Variants in RAPGEF4 observed in about 807,000 individuals in gnomAD.
The protein encoded by RAPGEF4 is RAP guanine-nucleotide-exchange factor (GEF) 4.
Under a neutral mutation model 147.9 loss-of-function variants are expected in RAPGEF4, and 66 were observed. The ratio of observed to expected loss-of-function variants is 0.45; its 90% CI spans 0.37 to 0.55. RAPGEF4 has a LOEUF of 0.55. Ranked by LOEUF, RAPGEF4 falls within the 20% of genes least tolerant of loss-of-function variation. The pLI, the probability that RAPGEF4 is intolerant of heterozygous loss-of-function variation, is 0.00. For missense variants in RAPGEF4, 1,071 were observed against 1,257.3 expected, an observed-to-expected ratio of 0.85 and a Z score of 2.24; for synonymous variants, 419 against 442.7, an observed-to-expected ratio of 0.95 and a Z score of 0.67.
At chr2:172,763,642 C>T (rs1281363926) in intron 1 of RAPGEF4, among the ~76,000 whole-genome samples, 1 of 152,140 alleles carries the variant, frequency 6.6e-6, no homozygotes. Context: ...TAGCCAGGAA[C>T]ATGTACATGA....
chr2:172,740,937 C>CTAAT (rs1694242789), intron 1 of RAPGEF4, among the ~76,000 whole-genome samples: 1 of 152,222 alleles, frequency 6.6e-6, no homozygotes, highest in South Asian at 2.1e-4. Context: ...CGTCCTTTGG[C>CTAAT]TAATGTATTC....
rs200042050 is a variant in RAPGEF4, at chr2:172,814,284, T to C, written c.303T>C (p.Ala101=). 2.5e-6 allele frequency: 4 copies of C among 1,614,210 alleles called. No individual in the cohort carries two copies. The highest frequency in any genetic ancestry group is 1.7e-5 in the Admixed American group (1 of 60,032). Residue 101 remains alanine, a synonymous_variant, in exon 4 of 31, where the codon GCT becomes GCC. Transcript: ENST00000397081. ...KVSETSSHQD[A]VTICTLGIGT... ...TAGTTTTTTGGGATCCTCAGGATGCTGTGACCATCTGTACCCTGGGAATTG... is the reference window on the plus strand; with the variant it reads ...TAGTTTTTTGGGATCCTCAGGATGCCGTGACCATCTGTACCCTGGGAATTG...
At chr2:172,879,330 T>A (rs1036725413) in intron 4 of RAPGEF4, among the ~76,000 whole-genome samples, 3 of 152,188 alleles carry the variant, frequency 2.0e-5, no homozygotes, top group African/African-American at 7.2e-5. Context: ...TGATTATGAT[T>A]CCATTCATTT....
chr2:173,000,150 G>T (rs1693758524), intron 16 of RAPGEF4, among the ~76,000 whole-genome samples: 1 of 152,104 alleles, frequency 6.6e-6, no homozygotes, highest in Non-Finnish European at 1.5e-5. Flanking sequence ...CACCTTCTCT[G>T]CTTCTTCTCT....
intron 4 of RAPGEF4, among the ~76,000 whole-genome samples, chr2:172,875,128 T>C (rs1695744944): frequency 6.6e-6 from 1 of 152,360 alleles, no homozygotes; most frequent in East Asian, 1.9e-4. Flanking sequence ...TTTGAGTTCT[T>C]TGTAGATTCT....
Position 173,036,132 on chromosome 2 carries a change from C to G in RAPGEF4, c.2708C>G (p.Ser903Ter). 6.2e-7 allele frequency: 1 copy of G among 1,609,846 alleles called. No individual in the cohort carries two copies. Among genetic ancestry groups the G allele is most frequent in the South Asian group, 1.1e-5 (1 of 90,992 alleles). ...CTCTTTTTCTCTCCTAAGGACCCTT[C>G]AAGGAACCACAGGGCCTACAGGCTG... ...YAEFESLMDP[S>*]RNHRAYRLTV... The change falls in exon 28 of 31, where the codon TCA (serine) becomes TGA (stop). Residue 903 changes from serine (S) to a stop codon, truncating the protein, a stop_gained. Coordinates refer to ENST00000397081, the MANE Select transcript of RAPGEF4 (RefSeq NM_007023.4). LOFTEE classifies it high-confidence loss of function.
intron 5 of RAPGEF4, among the ~76,000 whole-genome samples, chr2:172,920,922 C>T (rs1301599444): frequency 1.3e-5 from 2 of 152,038 alleles, no homozygotes; most frequent in African/African-American, 4.8e-5. Flanking sequence ...CCTGTTAATA[C>T]TCTCTGTTTC....
chr2:173,048,579 T>A, intron 29 of RAPGEF4, 21 bp from the exon 30 acceptor site: 1 of 1,613,998 alleles, frequency 6.2e-7, no homozygotes, highest in Non-Finnish European at 8.5e-7. Context: ...TCTATCTTTC[T>A]TTTTTCTATA....
At chr2:172,903,538 CAA>C (rs754217596) in intron 4 of RAPGEF4, among the ~76,000 whole-genome samples, 9 of 120,320 alleles carry the variant, frequency 7.5e-5, no homozygotes, top group Non-Finnish European at 7.1e-5. Flanking sequence ...AACTCCATCT[CAA>C]AAAAAAAAAA....
At chr2:172,978,567 C>T (rs1039853924) in intron 10 of RAPGEF4, among the ~76,000 whole-genome samples, 7 of 152,162 alleles carry the variant, frequency 4.6e-5, no homozygotes, top group Non-Finnish European at 1.0e-4. Flanking sequence ...GTGTGACAGG[C>T]GTGGAAAGGT....
chr2:172,817,918 A>C (rs945089130), intron 4 of RAPGEF4, among the ~76,000 whole-genome samples: 19 of 147,086 alleles, frequency 1.3e-4, no homozygotes, highest in African/African-American at 4.7e-4. Context: ...TATATATATA[A>C]TATACATATT....
intron 6 of RAPGEF4, chr2:172,928,478 T>C (rs1184980551): frequency 4.1e-6 from 1 of 243,134 alleles, no homozygotes; most frequent in African/African-American, 2.2e-5. Context: ...TGCTTTTGAA[T>C]GTCCTGGACA....
At chr2:172,965,269 G>T in intron 8 of RAPGEF4, 1 of 378,068 alleles carries the variant, frequency 2.6e-6, no homozygotes, top group Non-Finnish European at 4.8e-6. Context: ...TGATTAGCTT[G>T]CCAGACAATC....
intron 1 of RAPGEF4, among the ~76,000 whole-genome samples, chr2:172,772,887 T>C (rs1441008859): frequency 1.3e-5 from 2 of 152,242 alleles, no homozygotes; most frequent in South Asian, 2.1e-4. Context: ...CCAGGGTTGC[T>C]AACAGTGAAT....
chr2:172,754,044 G>GAACA (rs1461233632), intron 1 of RAPGEF4, among the ~76,000 whole-genome samples: 2 of 152,210 alleles, frequency 1.3e-5, no homozygotes, highest in East Asian at 3.8e-4. Context: ...AAACTATGTT[G>GAACA]TAATTGGACC....
intron 30 of RAPGEF4, 49 bp downstream of exon 30, chr2:173,048,703 G>C: frequency 6.2e-7 from 1 of 1,613,152 alleles, no homozygotes. Flanking sequence ...GGTGATTAAG[G>C]TCTTCTTAAT....
chr2:172,938,745 C>CA (rs1686851006), intron 6 of RAPGEF4, among the ~76,000 whole-genome samples: 1 of 152,172 alleles, frequency 6.6e-6, no homozygotes, highest in South Asian at 2.1e-4. Context: ...TGAGTTTTGA[C>CA]AGATGTCTAG....
chr2:172,846,676 A>G (rs1353648288), intron 4 of RAPGEF4, among the ~76,000 whole-genome samples: 1 of 152,186 alleles, frequency 6.6e-6, no homozygotes, highest in Non-Finnish European at 1.5e-5. Flanking sequence ...TCTGTGCTAG[A>G]CACTGGGAAT....
chr2:172,886,025 C>T (rs556562785), intron 4 of RAPGEF4, among the ~76,000 whole-genome samples: 4 of 152,250 alleles, frequency 2.6e-5, no homozygotes, highest in East Asian at 1.9e-4. Flanking sequence ...GCTGCCTTCA[C>T]GCCTGGCTCT....
Sources: allele counts gnomAD v4.1 joint callset (sites outside exome capture counted in the v4.1 genomes callset), GRCh38; gene constraint gnomAD v4.1.1; transcripts MANE v1.5; gene names NCBI Gene and HGNC (gene_info 2026-07-23, HGNC 2026-07-21).